PRKG1: variants seen among roughly 807,000 people sequenced by gnomAD.
PRKG1 encodes cGMP-dependent protein kinase 1.
A neutral mutation model predicts 88.1 loss-of-function variants in PRKG1; 35 were observed. The observed-to-expected ratio is 0.40, with a 90% CI of 0.30 to 0.53. The LOEUF (loss-of-function observed/expected upper bound fraction) is 0.53, where lower values mean the gene tolerates loss of function less well. PRKG1 is among the 20% of genes least tolerant of loss of function. The pLI, the probability that PRKG1 is intolerant of heterozygous loss-of-function variation, is 0.59. For synonymous variants in PRKG1, 303 were observed against 292.5 expected (o/e 1.04, Z -0.37); for missense variants, 540 against 839.8 (o/e 0.64, Z 4.41).
intron 3 of PRKG1, among the ~76,000 whole-genome samples, chr10:51,782,006 G>C (rs745628132): frequency 4.0e-5 from 6 of 151,438 alleles, no homozygotes; most frequent in Non-Finnish European, 7.4e-5. Context: ...AATCTGAAGG[G>C]GCAAGGTTGT....
chr10:51,284,300 G>A (rs1479765976), intron 2 of PRKG1, among the ~76,000 whole-genome samples: 1 of 152,170 alleles, frequency 6.6e-6, no homozygotes, highest in Non-Finnish European at 1.5e-5. Flanking sequence ...ACAGGGATGA[G>A]TCCTCCAACA....
intron 8 of PRKG1, among the ~76,000 whole-genome samples, chr10:52,142,515 C>T (rs920934430): frequency 1.3e-5 from 2 of 152,080 alleles, no homozygotes; most frequent in Admixed American, 6.6e-5. Flanking sequence ...AATCTAATTA[C>T]ACTACTTCTA....
chr10:51,735,638 A>G (rs1247599083), intron 3 of PRKG1, among the ~76,000 whole-genome samples: 1 of 152,088 alleles, frequency 6.6e-6, no homozygotes, highest in Non-Finnish European at 1.5e-5. Flanking sequence ...AATGGCATAA[A>G]TTTGCCCATA....
chr10:51,162,697 G>A (rs1257024958), intron 2 of PRKG1, among the ~76,000 whole-genome samples: 1 of 152,042 alleles, frequency 6.6e-6, no homozygotes, highest in Admixed American at 6.5e-5. Context: ...TATATAGGAG[G>A]AGATGCTTTT....
chr10:51,414,392 C>A (rs950682927), intron 2 of PRKG1, among the ~76,000 whole-genome samples: 1 of 152,164 alleles, frequency 6.6e-6, no homozygotes, highest in African/African-American at 2.4e-5. Context: ...TTTTTTCACT[C>A]TTCAACACTG....
At chr10:51,091,359 G>A (rs1343567677) in intron 1 of PRKG1, among the ~76,000 whole-genome samples, 1 of 152,070 alleles carries the variant, frequency 6.6e-6, no homozygotes, top group Non-Finnish European at 1.5e-5. Context: ...TAAATTTCCT[G>A]GAACCCAATT....
chr10:51,814,460 G>T (rs1839535581), intron 4 of PRKG1, among the ~76,000 whole-genome samples: 1 of 152,024 alleles, frequency 6.6e-6, no homozygotes, highest in Non-Finnish European at 1.5e-5. Flanking sequence ...TGTTTCTTAA[G>T]ACTCAATGAC....
At chr10:51,269,391 T>TG (rs1401915390) in intron 2 of PRKG1, among the ~76,000 whole-genome samples, 2 of 152,118 alleles carry the variant, frequency 1.3e-5, no homozygotes, top group Non-Finnish European at 2.9e-5. Flanking sequence ...AAAATGTCAT[T>TG]GTATAAAAAA....
chr10:51,035,871 T>C (rs1843347165), intron 1 of PRKG1, among the ~76,000 whole-genome samples: 1 of 152,162 alleles, frequency 6.6e-6, no homozygotes, highest in Non-Finnish European at 1.5e-5. Flanking sequence ...CATGAGTACA[T>C]ACCTTTATTT....
chr10:52,072,799 A>T (rs1387033365), intron 7 of PRKG1, among the ~76,000 whole-genome samples: 1 of 152,130 alleles, frequency 6.6e-6, no homozygotes, highest in Non-Finnish European at 1.5e-5. Context: ...TGCCACCATG[A>T]TCTGTCTAAA....
chr10:51,883,326 A>G (rs562278687), intron 4 of PRKG1, among the ~76,000 whole-genome samples: 14 of 152,364 alleles, frequency 9.2e-5, no homozygotes, highest in African/African-American at 3.4e-4. Context: ...TATGAGCTGC[A>G]TAGTATAATA....
chr10:52,079,312 T>C (rs1387630351), intron 7 of PRKG1, among the ~76,000 whole-genome samples: 1 of 152,128 alleles, frequency 6.6e-6, no homozygotes, highest in Non-Finnish European at 1.5e-5. Context: ...CATATCCCAG[T>C]ATATCAAAGC....
intron 1 of PRKG1, among the ~76,000 whole-genome samples, chr10:51,005,361 C>T (rs1484545997): frequency 6.6e-6 from 1 of 152,066 alleles, no homozygotes. Flanking sequence ...GTTTATAGTG[C>T]CTCTTGCTTT....
chr10:51,466,400 C>T (rs114273488), intron 2 of PRKG1, among the ~76,000 whole-genome samples: 3,045 of 152,040 alleles, frequency 0.02, 114 homozygotes, highest in African/African-American at 0.069. Context: ...TACAGAGGGG[C>T]ATGCATACAC....
intron 5 of PRKG1, among the ~76,000 whole-genome samples, chr10:52,005,791 C>A (rs974574685): frequency 2.0e-5 from 3 of 152,108 alleles, no homozygotes; most frequent in African/African-American, 7.2e-5. Flanking sequence ...GCCATACATG[C>A]TGGAGGTTCC....
chr10:51,721,948 C>T (rs1440190365), intron 3 of PRKG1, among the ~76,000 whole-genome samples: 1 of 152,122 alleles, frequency 6.6e-6, no homozygotes, highest in Non-Finnish European at 1.5e-5. Flanking sequence ...TTATTCATTA[C>T]AGGCAGGGTG....
intron 3 of PRKG1, among the ~76,000 whole-genome samples, chr10:51,520,525 C>G (rs999916485): frequency 6.6e-6 from 1 of 152,018 alleles, no homozygotes; most frequent in Admixed American, 6.6e-5. Flanking sequence ...TCATCAATGT[C>G]TAGCAGAGTG....
intron 3 of PRKG1, among the ~76,000 whole-genome samples, chr10:51,626,571 A>C (rs1330076726): frequency 6.6e-6 from 1 of 152,222 alleles, no homozygotes; most frequent in Non-Finnish European, 1.5e-5. Flanking sequence ...TCTTCAAATC[A>C]TAATGAATAG....
chr10:51,551,660 T>C (rs1458920574), intron 3 of PRKG1, among the ~76,000 whole-genome samples: 1 of 151,826 alleles, frequency 6.6e-6, no homozygotes, highest in Non-Finnish European at 1.5e-5. Flanking sequence ...GAGAATGGCA[T>C]TGATACATGT....
Sources: gnomAD v4.1 joint callset for allele counts (sites outside exome capture counted in the v4.1 genomes callset) on GRCh38, gnomAD v4.1.1 for gene constraint, MANE v1.5 for transcripts, NCBI Gene and HGNC (gene_info 2026-07-23, HGNC 2026-07-21) for gene names.